The following SCAPER variants were observed in gnomAD, a reference collection of about 807,000 sequenced individuals.
The protein encoded by SCAPER is S phase cyclin A-associated protein in the endoplasmic reticulum.
SCAPER carries 98 observed loss-of-function variants against 182.2 expected under a neutral mutation model. The observed-to-expected ratio is 0.54, with a 90% CI of 0.46 to 0.64. SCAPER has a LOEUF of 0.64. Ranked by LOEUF, SCAPER falls within the 30% of genes least tolerant of loss-of-function variation. The pLI is 0.00. For synonymous variants in SCAPER, 605 were observed against 564.6 expected, an observed-to-expected ratio of 1.07 and a Z score of -1.01; for missense variants, 1,432 against 1,690.0, an observed-to-expected ratio of 0.85 and a Z score of 2.68.
chr15:76,615,417 G>C (rs2051363982), intron 22 of SCAPER, among the ~76,000 whole-genome samples: 1 of 151,130 alleles, frequency 6.6e-6, no homozygotes, highest in African/African-American at 2.4e-5. Flanking sequence ...CTGCACTCTA[G>C]CTTGGCAACA....
chr15:76,743,999 T>C (rs2061675697), intron 15 of SCAPER, among the ~76,000 whole-genome samples: 1 of 152,072 alleles, frequency 6.6e-6, no homozygotes, highest in Non-Finnish European at 1.5e-5. Context: ...TCTACAACCA[T>C]CTGATCTTCA....
chr15:76,683,928 G>A (rs1204094037), intron 20 of SCAPER, among the ~76,000 whole-genome samples: 1 of 152,058 alleles, frequency 6.6e-6, no homozygotes, highest in African/African-American at 2.4e-5. Context: ...GCAAGACCAC[G>A]TTTCTAAAAA....
intron 21 of SCAPER, among the ~76,000 whole-genome samples, chr15:76,654,048 AAC>A (rs2055399756): frequency 6.6e-6 from 1 of 152,228 alleles, no homozygotes; most frequent in East Asian, 1.9e-4. Flanking sequence ...AAAAGACATG[AAC>A]AGACACTTCT....
At chr15:76,476,635 G>A (rs2050663325) in intron 24 of SCAPER, among the ~76,000 whole-genome samples, 1 of 105,776 alleles carries the variant, frequency 9.5e-6, no homozygotes, top group Admixed American at 1.5e-4. Flanking sequence ...TAGAGACAGA[G>A]TCTCACTATG....
chr15:76,725,146 A>G (rs1227226884), intron 17 of SCAPER, among the ~76,000 whole-genome samples: 2 of 152,212 alleles, frequency 1.3e-5, no homozygotes, highest in Non-Finnish European at 2.9e-5. Context: ...TTCTATTTAT[A>G]ATTGTATAAC....
chr15:76,687,834 C>T (rs1320371906), intron 20 of SCAPER, among the ~76,000 whole-genome samples: 2 of 152,194 alleles, frequency 1.3e-5, no homozygotes, highest in African/African-American at 4.8e-5. Flanking sequence ...TTTATCCAGT[C>T]TATCACTGAT....
intron 25 of SCAPER, among the ~76,000 whole-genome samples, chr15:76,447,195 A>T (rs1445567646): frequency 2.6e-5 from 4 of 152,172 alleles, no homozygotes; most frequent in Non-Finnish European, 5.9e-5. Context: ...AGCATGAAAC[A>T]CATGGAGGTT....
At chr15:76,651,065 G>A (rs1432054689) in intron 21 of SCAPER, among the ~76,000 whole-genome samples, 3 of 151,948 alleles carry the variant, frequency 2.0e-5, no homozygotes, top group Non-Finnish European at 4.4e-5. Context: ...TAAAAAAAGA[G>A]CTTTCAAATC....
chr15:76,452,167 A>G (rs1182176553), intron 25 of SCAPER, among the ~76,000 whole-genome samples: 1 of 152,074 alleles, frequency 6.6e-6, no homozygotes, highest in Admixed American at 6.5e-5. Context: ...AGGTTTCTTA[A>G]TTTCAAGATT....
intron 21 of SCAPER, among the ~76,000 whole-genome samples, chr15:76,628,285 G>A (rs1212657741): frequency 6.6e-6 from 1 of 152,106 alleles, no homozygotes; most frequent in African/African-American, 2.4e-5. Flanking sequence ...CGTTTAATTA[G>A]ATCTCATTTG....
intron 4 of SCAPER, among the ~76,000 whole-genome samples, chr15:76,847,607 C>A (rs368151153): frequency 1.4e-4 from 22 of 152,200 alleles, no homozygotes; most frequent in African/African-American, 5.3e-4. Flanking sequence ...CCACTATGTA[C>A]CCACAAAAAT....
intron 2 of SCAPER, among the ~76,000 whole-genome samples, chr15:76,869,704 C>G (rs2072555053): frequency 6.6e-6 from 1 of 151,830 alleles, no homozygotes; most frequent in African/African-American, 2.4e-5. Flanking sequence ...GAAAGTTCCC[C>G]AAAAAAACTA....
intron 23 of SCAPER, among the ~76,000 whole-genome samples, chr15:76,532,704 G>A (rs766984427): frequency 2.6e-5 from 4 of 152,128 alleles, no homozygotes; most frequent in Non-Finnish European, 4.4e-5. Context: ...ATGTGGTCTT[G>A]AAAATAGCAT....
chr15:76,466,015 G>A (rs1427377906), intron 25 of SCAPER, among the ~76,000 whole-genome samples: 1 of 152,018 alleles, frequency 6.6e-6, no homozygotes, highest in Non-Finnish European at 1.5e-5. Context: ...CTGTCTTTGA[G>A]AGTTTGACAA....
chr15:76,381,296 CAGG>C, intron 28 of SCAPER, 79 bp downstream of exon 28: 3 of 1,120,272 alleles, frequency 2.7e-6, no homozygotes, highest in Non-Finnish European at 4.0e-6. Context: ...TGCCCCAATT[CAGG>C]AGAAGAATCT....
chr15:76,864,269 A>G (rs1165442343), intron 2 of SCAPER, among the ~76,000 whole-genome samples: 1 of 152,176 alleles, frequency 6.6e-6, no homozygotes, highest in Admixed American at 6.5e-5. Context: ...TCTCCAACAT[A>G]AGATCCCCAG....
intron 8 of SCAPER, among the ~76,000 whole-genome samples, chr15:76,780,070 G>A (rs1244625996): frequency 1.3e-5 from 2 of 152,226 alleles, no homozygotes; most frequent in African/African-American, 4.8e-5. Flanking sequence ...AAGCAGGGCT[G>A]GGTGCCGCCT....
At chr15:76,545,458 T>C (rs754394399) in intron 23 of SCAPER, among the ~76,000 whole-genome samples, 32 of 152,152 alleles carry the variant, frequency 2.1e-4, no homozygotes, top group Non-Finnish European at 4.0e-4. Context: ...ATAGTGTACA[T>C]GGTTAGAAAA....
intron 23 of SCAPER, among the ~76,000 whole-genome samples, chr15:76,526,655 G>C (rs1024212976): frequency 6.6e-6 from 1 of 151,870 alleles, no homozygotes; most frequent in Non-Finnish European, 1.5e-5. Context: ...TATGACCCAA[G>C]CTATTAATTC....
Sources: allele counts gnomAD v4.1 joint callset (sites outside exome capture counted in the v4.1 genomes callset), GRCh38; gene constraint gnomAD v4.1.1; transcripts MANE v1.5; gene names NCBI Gene and HGNC (gene_info 2026-07-23, HGNC 2026-07-21).